Variants in B4GALT5 observed in about 807,000 individuals in gnomAD.
B4GALT5 encodes UDP-Gal:beta-GlcNAc beta-1,4-galactosyltransferase 5.
B4GALT5 carries 11 observed loss-of-function variants against 45.0 expected under a neutral mutation model. The ratio of observed to expected loss-of-function variants is 0.24; its 90% CI spans 0.15 to 0.40. The LOEUF (loss-of-function observed/expected upper bound fraction) is 0.40. Ranked by LOEUF, B4GALT5 falls within the 10% of genes least tolerant of loss-of-function variation. The pLI is 1.00. For missense variants in B4GALT5, 337 were observed against 500.2 expected, an observed-to-expected ratio of 0.67 and a Z score of 3.11; for synonymous variants, 185 against 182.9, an observed-to-expected ratio of 1.01 and a Z score of -0.09.
intron 1 of B4GALT5, among the ~76,000 whole-genome samples, chr20:49,685,729 C>G (rs1170760692): frequency 2.0e-5 from 3 of 152,114 alleles, no homozygotes; most frequent in Non-Finnish European, 4.4e-5. Context: ...AGAAAAATAA[C>G]AGCTATTGTC....
rs149400038 is a variant in B4GALT5 at position 49,637,394 on chromosome 20, T to G, written c.966A>C (p.Gly322=). 1 of 1,614,054 alleles carries G rather than the reference T, an allele frequency of 6.2e-7. No individual in the cohort carries two copies. Among genetic ancestry groups the G allele is most frequent in the Non-Finnish European group, 8.5e-7 (1 of 1,180,034 alleles). Residue 322 remains glycine, a synonymous_variant, in exon 8 of 9, where the codon GGA becomes GGC. Transcript: ENST00000371711. ...YSVSRPEGDT[G]KYKSIPHHHR... is the part of the protein sequence containing the mutation. ...GGTGATGAGGAATGGACTTGTACTTTCCTGTGTCACCCTCTGGCCGGCTCA... is the reference window on the plus strand; with the variant it reads ...GGTGATGAGGAATGGACTTGTACTTGCCTGTGTCACCCTCTGGCCGGCTCA...
intron 1 of B4GALT5, among the ~76,000 whole-genome samples, chr20:49,700,270 A>G (rs2085856212): frequency 6.6e-6 from 1 of 151,980 alleles, no homozygotes; most frequent in Non-Finnish European, 1.5e-5. Context: ...TTTGGTTTAC[A>G]ACAACAACAA....
intron 1 of B4GALT5, among the ~76,000 whole-genome samples, chr20:49,688,809 T>C (rs2085797451): frequency 6.6e-6 from 1 of 151,920 alleles, no homozygotes; most frequent in Non-Finnish European, 1.5e-5. Flanking sequence ...TGGTGGCGCG[T>C]GCCTGTAATC....
At chr20:49,711,126 T>C (rs2085909070) in intron 1 of B4GALT5, among the ~76,000 whole-genome samples, 1 of 151,656 alleles carries the variant, frequency 6.6e-6, no homozygotes, top group African/African-American at 2.4e-5. Context: ...TAAATGTAAC[T>C]ACTCCACATC....
intron 1 of B4GALT5, among the ~76,000 whole-genome samples, chr20:49,696,081 G>A (rs1423791654): frequency 6.6e-6 from 1 of 152,196 alleles, no homozygotes; most frequent in East Asian, 1.9e-4. Flanking sequence ...GGAAATAATC[G>A]CAGTAAATGT....
At chr20:49,668,770 G>A (rs529890171) in intron 1 of B4GALT5, among the ~76,000 whole-genome samples, 7 of 151,202 alleles carry the variant, frequency 4.6e-5, no homozygotes, top group East Asian at 3.9e-4. Flanking sequence ...CCACTCCACC[G>A]ACCAATCCCT....
intron 7 of B4GALT5, among the ~76,000 whole-genome samples, chr20:49,639,009 A>G (rs2085565157): frequency 6.6e-6 from 1 of 152,220 alleles, no homozygotes. Context: ...CTCTATACAC[A>G]TTACATCATT....
chr20:49,712,407 C>A (rs998401143), intron 1 of B4GALT5, among the ~76,000 whole-genome samples: 9 of 150,146 alleles, frequency 6.0e-5, no homozygotes, highest in African/African-American at 2.2e-4. Context: ...TCCTTCTGAT[C>A]TCTTCCTGTC....
Position 49,650,456 on chromosome 20 carries a change from T to TAAA in B4GALT5, c.251-3381_251-3379dup, listed in dbSNP as rs141588605. ...CAATATGGTGAAACCCCATCTCTGC[T>TAAA]AAAAAAAAAAAAAAAAAAAAAAACA... On this transcript the variant is annotated intron_variant, in intron 2 of 8. Coordinates refer to ENST00000371711, the MANE Select transcript of B4GALT5 (RefSeq NM_004776.4). Among the ~76,000 whole-genome samples the TAAA allele has an allele frequency of 1.3e-4, 17 of 128,446 alleles. No individual in the cohort carries two copies. In the East Asian group the frequency reaches 1.8e-3, roughly 13 times the overall value. 84.3% of individuals were successfully genotyped at this position (128,446 alleles called of 152,430 possible).
chr20:49,702,659 G>A (rs372130797), intron 1 of B4GALT5, among the ~76,000 whole-genome samples: 330 of 151,954 alleles, frequency 2.2e-3, no homozygotes, highest in African/African-American at 7.4e-3. Flanking sequence ...GTTTGAGACC[G>A]GCCTGGGCAA....
intron 1 of B4GALT5, among the ~76,000 whole-genome samples, chr20:49,694,488 C>CA (rs1013336185): frequency 3.2e-4 from 49 of 151,752 alleles, no homozygotes; most frequent in African/African-American, 4.8e-4. Flanking sequence ...CTAGTCCCTA[C>CA]AAAAAAATTT....
intron 8 of B4GALT5, among the ~76,000 whole-genome samples, chr20:49,637,089 TG>T (rs2085557230): frequency 1.3e-5 from 2 of 152,304 alleles, no homozygotes; most frequent in South Asian, 4.1e-4. Context: ...AAGGCTACTG[TG>T]GAGACCACAA....
chr20:49,637,301 T>C (rs1465278825), intron 8 of B4GALT5, 40 bp downstream of exon 8: 27 of 1,532,964 alleles, frequency 1.8e-5, no homozygotes, highest in Non-Finnish European at 2.4e-5. Context: ...CATGAAAGTA[T>C]AGGGGATACT....
Position 49,636,273 on chromosome 20 carries a change from T to C in B4GALT5, c.*39A>G. On this transcript the variant is annotated 3_prime_UTR_variant, in exon 9 of 9. Coordinates refer to ENST00000371711, the MANE Select transcript of B4GALT5 (RefSeq NM_004776.4). ...AAAAAAATCTCATCGGACTGCTTTC[T>C]TGGTGGCGGTGGGTAAAGCAAACGT... 6 of 1,609,906 alleles carry C rather than the reference T, an allele frequency of 3.7e-6. No individual in the cohort carries two copies. The highest frequency in any genetic ancestry group is 1.1e-5 in the South Asian group (1 of 90,946).
intron 1 of B4GALT5, among the ~76,000 whole-genome samples, chr20:49,681,216 TAAAAAA>T (rs10628956): frequency 1.4e-5 from 1 of 72,438 alleles, no homozygotes; most frequent in Non-Finnish European, 2.4e-5. Context: ...ACCCCATCTC[TAAAAAA>T]AAAAAAAAAA....
At chr20:49,665,536 C>A (rs923142577) in intron 1 of B4GALT5, among the ~76,000 whole-genome samples, 17 of 150,786 alleles carry the variant, frequency 1.1e-4, no homozygotes, top group African/African-American at 4.1e-4. Context: ...ACACCAGCTA[C>A]AAAGAGATGA....
chr20:49,706,014 T>A (rs565511138), intron 1 of B4GALT5, among the ~76,000 whole-genome samples: 171 of 139,910 alleles, frequency 1.2e-3, no homozygotes, highest in African/African-American at 4.1e-3. Context: ...ACCCCATCTC[T>A]ACTAAAAATA....
At chr20:49,698,044 G>A (rs1311441079) in intron 1 of B4GALT5, among the ~76,000 whole-genome samples, 6 of 152,108 alleles carry the variant, frequency 3.9e-5, no homozygotes, top group Non-Finnish European at 7.3e-5. Context: ...ATTTCCAGCC[G>A]GGCGCGGTGG....
At chr20:49,707,913 C>T (rs1600560309) in intron 1 of B4GALT5, among the ~76,000 whole-genome samples, 2 of 135,890 alleles carry the variant, frequency 1.5e-5, no homozygotes, top group South Asian at 4.6e-4. Flanking sequence ...CTTGCCCAGC[C>T]TTTTTTTTTT....
Sources: allele counts gnomAD v4.1 joint callset (sites outside exome capture counted in the v4.1 genomes callset), GRCh38; gene constraint gnomAD v4.1.1; transcripts MANE v1.5; gene names NCBI Gene and HGNC (gene_info 2026-07-23, HGNC 2026-07-21).